FRRS1: variants seen among roughly 807,000 people sequenced by gnomAD.
FRRS1 encodes ferric chelate reductase 1.
FRRS1 carries 51 observed loss-of-function variants against 70.7 expected under a neutral mutation model. The observed-to-expected ratio is 0.72, with a 90% confidence interval of 0.58 to 0.91. The LOEUF is 0.91. Ranked by LOEUF, FRRS1 falls within the 40% of genes least tolerant of loss-of-function variation. The probability of loss-of-function intolerance (pLI) is 0.00; values close to 1 mark genes in which losing one functional copy is unlikely to be tolerated. For synonymous variants in FRRS1, 225 were observed against 238.7 expected (o/e 0.94, Z 0.53); for missense variants, 672 against 726.0 (o/e 0.93, Z 0.86).
chr1:99,726,614 A>G (rs1655089900), intron 9 of FRRS1, among the ~76,000 whole-genome samples: 1 of 152,248 alleles, frequency 6.6e-6, no homozygotes, highest in Non-Finnish European at 1.5e-5. Flanking sequence ...TGCAATCATA[A>G]CAACAACACA....
rs770337560 is a variant in FRRS1, at chr1:99,729,603, C to T, written c.858+47G>A. The T allele has an allele frequency of 1.8e-5, 21 of 1,196,332 alleles. No homozygotes were observed. In the Admixed American group the frequency reaches 2.9e-4, roughly 16 times the overall value. The allele number at this position is 1,196,332 out of a possible 1,614,324, so 74.1% of individuals were successfully genotyped here. A position where few individuals can be genotyped will look rare whatever the true frequency, so the allele number is the denominator to read the frequency against. ...GCCACGCCAGTGATAGCCACACAGC[C>T]GGAAAGCGGGTCTCCAGGTGGAGGT... On this transcript the variant is annotated intron_variant, in intron 8 of 16. Transcript: ENST00000646001.
chr1:99,713,038 T>C (rs1351000072), intron 12 of FRRS1, among the ~76,000 whole-genome samples: 1 of 126,382 alleles, frequency 7.9e-6, no homozygotes, highest in Non-Finnish European at 1.6e-5. Context: ...ACCATGACTT[T>C]AGAGATATAA....
At chr1:99,746,295 A>G (rs1656261089) in intron 4 of FRRS1, among the ~76,000 whole-genome samples, 2 of 152,218 alleles carry the variant, frequency 1.3e-5, no homozygotes, top group Admixed American at 1.3e-4. Flanking sequence ...TGTCAACGCT[A>G]TGGAAGAGAA....
At chr1:99,761,662 GCCTGCTCTATT>G (rs1657116758) in intron 1 of FRRS1, among the ~76,000 whole-genome samples, 1 of 152,032 alleles carries the variant, frequency 6.6e-6, no homozygotes, top group African/African-American at 2.4e-5. Flanking sequence ...TTTATTAAGT[GCCTGCTCTATT>G]CCAGTCATCA....
rs1571147155 is a variant in FRRS1 at position 99,748,987 on chromosome 1, C to T, written c.-91G>A. ...TGAGACTTTGGGCAAATCATTTAATCCTCCACTTCCTTACCTGAAAAATAA... is the reference window on the plus strand; with the variant it reads ...TGAGACTTTGGGCAAATCATTTAATTCTCCACTTCCTTACCTGAAAAATAA... On this transcript the variant is annotated 5_prime_UTR_variant, in exon 2 of 17. Coordinates refer to ENST00000646001, the MANE Select transcript of FRRS1 (RefSeq NM_001361041.2). 1 of 421,870 alleles carries T rather than the reference C, an allele frequency of 2.4e-6. No homozygotes were observed. Among genetic ancestry groups the T allele is most frequent in the East Asian group, 3.9e-5 (1 of 25,334 alleles). The allele number at this position is 421,870 out of a possible 1,614,324, so 26.1% of individuals were successfully genotyped here.
In FRRS1 at chr1:99,704,886, C is replaced by T. The variant is rs1266845966; in HGVS notation, c.*4142G>A. 2.6e-5 allele frequency among the ~76,000 whole-genome samples: 4 copies of T among 152,172 alleles called. No individual in the cohort carries two copies. The highest frequency in any genetic ancestry group is 9.7e-5 in the African/African-American group (4 of 41,450). On this transcript the variant is annotated 3_prime_UTR_variant, in exon 17 of 17. Transcript: ENST00000646001. ...CCAACTCCAGGGGAAAACCATCTCC[C>T]TTCTGGCTCCCCCATCTGCTGAGAG... is the stretch of plus-strand genomic sequence containing the variant.
intron 12 of FRRS1, 140 bp downstream of exon 12, chr1:99,715,446 G>C: frequency 1.7e-6 from 1 of 598,532 alleles, no homozygotes; most frequent in Non-Finnish European, 3.1e-6. Flanking sequence ...CCATGTGAGA[G>C]AGCCATCCAA....
intron 9 of FRRS1, among the ~76,000 whole-genome samples, chr1:99,727,282 C>T (rs1474500280): frequency 6.6e-6 from 1 of 151,954 alleles, no homozygotes; most frequent in Non-Finnish European, 1.5e-5. Flanking sequence ...AATTATTACT[C>T]ATATTAAGAA....
At chr1:99,731,588 T>C (rs1557693885) in intron 7 of FRRS1, among the ~76,000 whole-genome samples, 4 of 152,334 alleles carry the variant, frequency 2.6e-5, no homozygotes, top group East Asian at 1.9e-4. Context: ...AGTTTAAGAA[T>C]GACTTCTACA....
At chr1:99,709,331 G>A in intron 15 of FRRS1, 72 bp from the exon 16 acceptor site, 1 of 1,032,526 alleles carries the variant, frequency 9.7e-7, no homozygotes, top group Non-Finnish European at 1.5e-6. Context: ...AAAAAAACCT[G>A]ATTTGTACTG....
intron 3 of FRRS1, 91 bp from the exon 4 acceptor site, chr1:99,747,521 A>C (rs1656340506): frequency 8.4e-7 from 1 of 1,185,426 alleles, no homozygotes; most frequent in South Asian, 1.6e-5. Flanking sequence ...AATGAGGTCT[A>C]CATATGCAAA....
At chr1:99,750,261 T>A (rs1391678711) in intron 1 of FRRS1, among the ~76,000 whole-genome samples, 2 of 152,136 alleles carry the variant, frequency 1.3e-5, no homozygotes. Flanking sequence ...ACAGTTCTCC[T>A]CCTCCCTCTC....
chr1:99,725,907 A>G (rs1655060556), intron 9 of FRRS1, among the ~76,000 whole-genome samples: 1 of 152,244 alleles, frequency 6.6e-6, no homozygotes, highest in Non-Finnish European at 1.5e-5. Context: ...ATAAAACTTT[A>G]AAAAGTATAA....
At chr1:99,764,878 C>T (rs1557713281) in intron 1 of FRRS1, among the ~76,000 whole-genome samples, 1 of 152,182 alleles carries the variant, frequency 6.6e-6, no homozygotes, top group Admixed American at 6.5e-5. Context: ...TTGCCTAATT[C>T]CACCAACCTG....
chr1:99,745,556 C>T (rs1186813095), intron 4 of FRRS1, among the ~76,000 whole-genome samples: 6 of 152,022 alleles, frequency 3.9e-5, no homozygotes, highest in African/African-American at 7.2e-5. Flanking sequence ...TGGTGGTGGG[C>T]GCCTATAATC....
chr1:99,758,083 T>C (rs964982093), intron 1 of FRRS1, among the ~76,000 whole-genome samples: 1 of 152,176 alleles, frequency 6.6e-6, no homozygotes, highest in African/African-American at 2.4e-5. Context: ...ATTCAGATGT[T>C]CCAAGACAAA....
chr1:99,754,234 G>A (rs1164336507), intron 1 of FRRS1, among the ~76,000 whole-genome samples: 1 of 152,180 alleles, frequency 6.6e-6, no homozygotes, highest in East Asian at 1.9e-4. Context: ...GTTAGGCCAA[G>A]GCGGGAAGAT....
At chr1:99,755,727 A>G (rs1281983442) in intron 1 of FRRS1, among the ~76,000 whole-genome samples, 1 of 152,232 alleles carries the variant, frequency 6.6e-6, no homozygotes, top group African/African-American at 2.4e-5. Flanking sequence ...AAGACATTCA[A>G]GGCCACCTTC....
intron 7 of FRRS1, among the ~76,000 whole-genome samples, chr1:99,736,980 T>C (rs146634601): frequency 2.3e-3 from 344 of 152,188 alleles, no homozygotes; most frequent in Non-Finnish European, 3.2e-3. Flanking sequence ...TTTTCTGAAA[T>C]ATGATTCCCT....
Sources: allele counts gnomAD v4.1 joint callset (sites outside exome capture counted in the v4.1 genomes callset), GRCh38; gene constraint gnomAD v4.1.1; transcripts MANE v1.5; gene names NCBI Gene and HGNC (gene_info 2026-07-23, HGNC 2026-07-21).